Variants in EYA3 observed in about 807,000 individuals in gnomAD.
EYA3 encodes protein phosphatase EYA3.
In EYA3, 39 loss-of-function variants were observed where a neutral mutation model predicts 80.0. The observed-to-expected ratio is 0.49, with a 90% confidence interval of 0.38 to 0.64. The LOEUF (loss-of-function observed/expected upper bound fraction) is 0.64, where lower values mean the gene tolerates loss of function less well. Ranked by LOEUF, EYA3 falls within the 30% of genes least tolerant of loss-of-function variation. The pLI is 0.00. For missense variants in EYA3, 523 were observed against 676.1 expected, an observed-to-expected ratio of 0.77 and a Z score of 2.51; for synonymous variants, 206 against 232.8, an observed-to-expected ratio of 0.88 and a Z score of 1.05.
chr1:28,001,075 CGT>C (rs1439023558), intron 11 of EYA3, among the ~76,000 whole-genome samples: 2 of 151,252 alleles, frequency 1.3e-5, no homozygotes, highest in Non-Finnish European at 2.9e-5. Context: ...AAAGTGTGTA[CGT>C]GTGTTTGTGT....
chr1:28,015,639 A>C (rs1207416734), intron 8 of EYA3, among the ~76,000 whole-genome samples: 1 of 152,230 alleles, frequency 6.6e-6, no homozygotes, highest in African/African-American at 2.4e-5. Context: ...GAGAATGAAC[A>C]GGCACAAGGG....
At chr1:28,066,914 C>T (rs1017664900) in intron 1 of EYA3, among the ~76,000 whole-genome samples, 10 of 151,982 alleles carry the variant, frequency 6.6e-5, no homozygotes, top group Non-Finnish European at 1.3e-4. Flanking sequence ...GAGATTCAAT[C>T]GGCACTTGAG....
chr1:28,048,578 G>T, intron 2 of EYA3, 152 bp from the exon 3 acceptor site: 1 of 497,038 alleles, frequency 2.0e-6, no homozygotes, highest in Non-Finnish European at 3.5e-6. Context: ...TTTAGAGCTA[G>T]AAATGAAGTT....
intron 1 of EYA3, among the ~76,000 whole-genome samples, chr1:28,068,180 A>T (rs1351467661): frequency 1.3e-5 from 2 of 151,868 alleles, no homozygotes; most frequent in African/African-American, 4.8e-5. Context: ...TACTAAAAAT[A>T]AAAAAAATTA....
At chr1:27,988,698 C>T (rs1208705583) in intron 15 of EYA3, 42 bp from the exon 16 acceptor site, 1 of 1,600,746 alleles carries the variant, frequency 6.2e-7, no homozygotes, top group Non-Finnish European at 8.5e-7. Flanking sequence ...GAAACTAAAC[C>T]AACCTGGGAG....
rs188516712 is a variant in EYA3, at chr1:27,994,465, G to A, written c.1143-905C>T. 1.4e-3 allele frequency among the ~76,000 whole-genome samples: 212 copies of A among 152,028 alleles called. 1 individual carries two copies. Among genetic ancestry groups the A allele is most frequent in the African/African-American group, 4.7e-3 (196 of 41,498 alleles). On this transcript the variant is annotated intron_variant, in intron 13 of 17. Coordinates refer to ENST00000373871, the MANE Select transcript of EYA3 (RefSeq NM_001990.4). Reference sequence around the variant, plus strand: ...TATAATCCCAGCACTTTGGGAGGCCGAGGCGGGTGGATCTCCTGAGGTCCC... The same window carrying A: ...TATAATCCCAGCACTTTGGGAGGCCAAGGCGGGTGGATCTCCTGAGGTCCC...
intron 10 of EYA3, among the ~76,000 whole-genome samples, chr1:28,006,270 G>C (rs993738921): frequency 2.9e-4 from 44 of 151,722 alleles, no homozygotes; most frequent in African/African-American, 1.0e-3. Context: ...GAACAGAGGG[G>C]GAAAAAGCTA....
At chr1:28,069,054 G>T (rs771600170) in intron 1 of EYA3, among the ~76,000 whole-genome samples, 2 of 152,000 alleles carry the variant, frequency 1.3e-5, no homozygotes, top group Admixed American at 1.3e-4. Flanking sequence ...TGATCCGCCC[G>T]CCTTGGCCTC....
At chr1:28,049,197 G>C (rs1269307991) in intron 2 of EYA3, among the ~76,000 whole-genome samples, 1 of 152,124 alleles carries the variant, frequency 6.6e-6, no homozygotes, top group Non-Finnish European at 1.5e-5. Context: ...TGGAATCATA[G>C]ATATTTAATA....
chr1:28,051,006 G>C (rs1370945727), intron 2 of EYA3, among the ~76,000 whole-genome samples: 1 of 152,174 alleles, frequency 6.6e-6, no homozygotes, highest in Non-Finnish European at 1.5e-5. Context: ...AAAGATTCAA[G>C]TAGCAACCAG....
chr1:28,058,915 T>A (rs1644522266), intron 1 of EYA3, among the ~76,000 whole-genome samples: 1 of 152,180 alleles, frequency 6.6e-6, no homozygotes, highest in South Asian at 2.1e-4. Context: ...AATACTCCAT[T>A]TCTATCTAAC....
intron 1 of EYA3, among the ~76,000 whole-genome samples, chr1:28,064,411 G>A (rs1278974792): frequency 3.4e-4 from 50 of 145,314 alleles, no homozygotes; most frequent in African/African-American, 1.2e-3. Flanking sequence ...TAGAGCCTGC[G>A]AGACAGCGAG....
intron 14 of EYA3, among the ~76,000 whole-genome samples, chr1:27,992,981 A>T (rs968103965): frequency 5.3e-5 from 8 of 152,148 alleles, no homozygotes; most frequent in Non-Finnish European, 1.2e-4. Flanking sequence ...CTACCAACCT[A>T]CAATCCTGGA....
chr1:27,978,436 CA>C lies in EYA3; in HGVS notation c.1578del (p.Phe526LeufsTer8). On this transcript the variant is annotated frameshift_variant, in exon 17 of 18. Coordinates refer to ENST00000373871, the MANE Select transcript of EYA3 (RefSeq NM_001990.4). LOFTEE classifies it high-confidence loss of function. Reference protein sequence around the residue: ...ESCFERIVSRFGKKVTYVVIG... With the variant: ...ESCFERIVSRXGKKVTYVVIG... ...ATCACTACATATGTGACTTTCTTTC[CA>C]AACCTTGACACAATTCTCTCAAAGC... 2 of 1,614,086 alleles carry C rather than the reference CA, an allele frequency of 1.2e-6. No individual in the cohort carries two copies. The highest frequency in any genetic ancestry group is 1.7e-6 in the Non-Finnish European group (2 of 1,179,998).
intron 10 of EYA3, among the ~76,000 whole-genome samples, chr1:28,005,427 C>T (rs1170340931): frequency 6.6e-6 from 1 of 152,166 alleles, no homozygotes; most frequent in Non-Finnish European, 1.5e-5. Context: ...TAAAAATACT[C>T]AACAGGCCAG....
At chr1:28,014,411 C>G (rs1641895166) in intron 8 of EYA3, among the ~76,000 whole-genome samples, 1 of 108,900 alleles carries the variant, frequency 9.2e-6, no homozygotes, top group Non-Finnish European at 1.7e-5. Context: ...AGGTGACACA[C>G]TGTCTCAAAA....
rs551391601 is a variant in EYA3, at chr1:27,971,123, G to A, written c.*3343C>T. ...AGATGGGCATCTAAATCTGGAGCAG[G>A]TGTCCATTCTTCTGGACACTACCAG... On this transcript the variant is annotated 3_prime_UTR_variant, in exon 18 of 18. Coordinates refer to ENST00000373871, the MANE Select transcript of EYA3 (RefSeq NM_001990.4). 1 of 152,342 alleles carries A rather than the reference G, an allele frequency of 6.6e-6. No homozygotes were observed. Among genetic ancestry groups the A allele is most frequent in the African/African-American group, 2.4e-5 (1 of 41,574 alleles). 9.4% of individuals were successfully genotyped at this position (152,342 alleles called of 1,614,324 possible). A position where few individuals can be genotyped will look rare whatever the true frequency, so the allele number is the denominator to read the frequency against.
At chr1:28,057,120 T>C (rs1480257634) in intron 2 of EYA3, among the ~76,000 whole-genome samples, 1 of 152,178 alleles carries the variant, frequency 6.6e-6, no homozygotes, top group Non-Finnish European at 1.5e-5. Context: ...TAATCATCAA[T>C]ATGCATTTCT....
chr1:28,031,815 C>T (rs911289951), intron 6 of EYA3: 4 of 152,022 alleles, frequency 2.6e-5, no homozygotes, highest in Admixed American at 2.0e-4. Flanking sequence ...TTTTTTAAAA[C>T]GTCTGTAGGA....
Sources: allele counts gnomAD v4.1 joint callset (sites outside exome capture counted in the v4.1 genomes callset), GRCh38; gene constraint gnomAD v4.1.1; transcripts MANE v1.5; gene names NCBI Gene and HGNC (gene_info 2026-07-23, HGNC 2026-07-21).